Variants in ANO5 observed in about 807,000 individuals in gnomAD.
The protein encoded by ANO5 is anoctamin-5.
A neutral mutation model predicts 121.0 loss-of-function variants in ANO5; 109 were observed. That is an observed-to-expected ratio of 0.90 (90% CI 0.77 to 1.06). The LOEUF (loss-of-function observed/expected upper bound fraction) is 1.06, where lower values mean the gene tolerates loss of function less well. Among genes scored for constraint, ANO5 ranks in the 50% least tolerant of loss-of-function variants. ANO5 has a pLI of 0.00. For missense variants in ANO5, 1,064 were observed against 1,078.5 expected, an observed-to-expected ratio of 0.99 and a Z score of 0.19; for synonymous variants, 406 against 359.9, an observed-to-expected ratio of 1.13 and a Z score of -1.45.
chr11:22,227,468 T>C lies in ANO5; in HGVS notation c.530T>C (p.Leu177Pro). The C allele has an allele frequency of 1.2e-6, 2 of 1,613,652 alleles. No individual in the cohort carries two copies. The highest frequency in any genetic ancestry group is 1.7e-6 in the Non-Finnish European group (2 of 1,179,788). ...SYVLGPVRLP[L>P]SVKYPHPEYF... ...GTGCTTGGACCTGTAAGACTCCCAC[T>C]GAGTGTGAAGTATCCCCATCCTGAA... is the stretch of plus-strand genomic sequence containing the variant. Residue 177 changes from leucine to proline, a missense_variant, in exon 7 of 22, where the codon CTG (leucine) becomes CCG (proline). Coordinates refer to ENST00000324559, the MANE Select transcript of ANO5 (RefSeq NM_213599.3).
intron 7 of ANO5, among the ~76,000 whole-genome samples, chr11:22,232,767 C>T (rs550912522): frequency 6.6e-6 from 1 of 151,914 alleles, no homozygotes; most frequent in South Asian, 2.1e-4. Context: ...TACTGTTTTA[C>T]CATGCCACCT....
chr11:22,200,084 A>G (rs997200361), intron 1 of ANO5, among the ~76,000 whole-genome samples: 5 of 152,146 alleles, frequency 3.3e-5, no homozygotes, highest in Admixed American at 2.6e-4. Flanking sequence ...ATGCTGACAT[A>G]TTTCATTTTA....
At chr11:22,279,239 C>CA (rs770756351) in intron 21 of ANO5, among the ~76,000 whole-genome samples, 26 of 151,856 alleles carry the variant, frequency 1.7e-4, no homozygotes, top group Admixed American at 2.0e-4. Context: ...TAGCCTTTTT[C>CA]ACTCTTTTGA....
At chr11:22,268,718 T>A (rs1050972776) in intron 17 of ANO5, among the ~76,000 whole-genome samples, 1 of 152,188 alleles carries the variant, frequency 6.6e-6, no homozygotes, top group Non-Finnish European at 1.5e-5. Flanking sequence ...TTTTCCCAAG[T>A]AAGAATGCTG....
chr11:22,266,837 G>A (rs11026483), intron 17 of ANO5, among the ~76,000 whole-genome samples: 1 of 152,068 alleles, frequency 6.6e-6, no homozygotes, highest in African/African-American at 2.4e-5. Flanking sequence ...ATGTTTGACA[G>A]CATCCTTGGA....
At chr11:22,228,622 A>AT (rs1467326462) in intron 7 of ANO5, among the ~76,000 whole-genome samples, 2 of 151,846 alleles carry the variant, frequency 1.3e-5, no homozygotes, top group African/African-American at 4.8e-5. Context: ...CCCGTTGACC[A>AT]ATCTCTCCCC....
chr11:22,217,502 A>T (rs1852487420), intron 3 of ANO5, among the ~76,000 whole-genome samples: 2 of 151,798 alleles, frequency 1.3e-5, no homozygotes, highest in Admixed American at 1.3e-4. Context: ...GGTAATTTTA[A>T]TTTCTTTTCC....
chr11:22,226,075 A>G, intron 6 of ANO5, 23 bp downstream of exon 6: 2 of 1,563,214 alleles, frequency 1.3e-6, no homozygotes, highest in South Asian at 2.2e-5. Flanking sequence ...GATAATTTAT[A>G]CAAGCCTCTT....
Position 22,272,994 on chromosome 11 carries a change from G to A in ANO5, c.2235+5G>A, listed in dbSNP as rs1229015609. On this transcript the variant is annotated splice_donor_5th_base_variant and intron_variant, in intron 19 of 21. Transcript: ENST00000324559. ...GTCCTTTCTGTTGCAACTAATGTAA[G>A]TGGACCTATTTCGGTGGGGTGACTT... The A allele has an allele frequency of 6.2e-7, 1 of 1,613,226 alleles. No individual in the cohort carries two copies. The highest frequency in any genetic ancestry group is 8.5e-7 in the Non-Finnish European group (1 of 1,179,390).
rs143655283 is a variant in ANO5, at chr11:22,260,170, G to A, written c.1630+429G>A. ...CTCCTAAATAAATCTAAATTTTAGC[G>A]CTTTTCTTTTCTACTGCTATCTCTT... On this transcript the variant is annotated intron_variant, in intron 15 of 21. Transcript: ENST00000324559. 2.5e-3 allele frequency among the ~76,000 whole-genome samples: 386 copies of A among 152,122 alleles called. 2 individuals are homozygous for A. The highest frequency in any genetic ancestry group is 7.8e-3 in the African/African-American group (324 of 41,502).
intron 9 of ANO5, among the ~76,000 whole-genome samples, chr11:22,244,758 A>G (rs537577815): frequency 6.6e-6 from 1 of 151,948 alleles, no homozygotes; most frequent in East Asian, 1.9e-4. Flanking sequence ...TAAAATGGCT[A>G]TTTCATCTTT....
At chr11:22,269,182 GGAAAA>G (rs1335954107) in intron 17 of ANO5, among the ~76,000 whole-genome samples, 2 of 142,854 alleles carry the variant, frequency 1.4e-5, no homozygotes, top group Non-Finnish European at 3.0e-5. Flanking sequence ...GGGAAGAGAA[GGAAAA>G]GGGAAGGGAA....
intron 16 of ANO5, 60 bp from the exon 17 acceptor site, chr11:22,262,886 G>A (rs2133750270): frequency 7.7e-7 from 1 of 1,295,560 alleles, no homozygotes; most frequent in Admixed American, 1.7e-5. Context: ...TCCTTTAGGT[G>A]TTGCAAAATT....
At chr11:22,211,426 C>A in intron 3 of ANO5, 112 bp downstream of exon 3, 1 of 1,250,942 alleles carries the variant, frequency 8.0e-7, no homozygotes, top group East Asian at 2.3e-5. Flanking sequence ...TGCTCTCATA[C>A]ATGGTATTTG....
chr11:22,222,438 A>T (rs1371754981), intron 5 of ANO5, among the ~76,000 whole-genome samples: 2 of 151,912 alleles, frequency 1.3e-5, no homozygotes, highest in Non-Finnish European at 2.9e-5. Context: ...CTCACCTAGA[A>T]CTTGTCACTA....
intron 5 of ANO5, among the ~76,000 whole-genome samples, chr11:22,225,003 G>C (rs2133602207): frequency 6.6e-6 from 1 of 152,140 alleles, no homozygotes; most frequent in African/African-American, 2.4e-5. Context: ...CCAGGAAAGG[G>C]AAGGGGAAGG....
intron 7 of ANO5, among the ~76,000 whole-genome samples, chr11:22,235,029 A>G (rs553768769): frequency 6.6e-6 from 1 of 152,110 alleles, no homozygotes; most frequent in Non-Finnish European, 1.5e-5. Flanking sequence ...TATGAATGAA[A>G]TCACTTTTCT....
chr11:22,270,524 C>A, intron 18 of ANO5, 82 bp downstream of exon 18: 5 of 1,576,842 alleles, frequency 3.2e-6, no homozygotes, highest in Non-Finnish European at 3.5e-6. Context: ...TTCTGCCTTG[C>A]ACATGGTAGG....
At chr11:22,257,815 A>C in intron 14 of ANO5, 61 bp downstream of exon 14, 353 of 1,378,332 alleles carry the variant, frequency 2.6e-4, no homozygotes, top group Non-Finnish European at 3.3e-4. Context: ...GAGCTATCTC[A>C]ACAGTGTTAC....
Sources: gnomAD v4.1 joint callset for allele counts (sites outside exome capture counted in the v4.1 genomes callset) on GRCh38, gnomAD v4.1.1 for gene constraint, MANE v1.5 for transcripts, NCBI Gene and HGNC (gene_info 2026-07-23, HGNC 2026-07-21) for gene names.